TSGA10: variants seen among roughly 807,000 people sequenced by gnomAD.
TSGA10 encodes the protein testis-specific gene 10 protein.
A neutral mutation model predicts 96.6 loss-of-function variants in TSGA10; 43 were observed. That is an observed-to-expected ratio of 0.44 (90% CI 0.35 to 0.57). The LOEUF (loss-of-function observed/expected upper bound fraction) is 0.57, where lower values mean the gene tolerates loss of function less well. Among genes scored for constraint, TSGA10 ranks in the 20% least tolerant of loss-of-function variants. The pLI, the probability that TSGA10 is intolerant of heterozygous loss-of-function variation, is 0.01. For synonymous variants in TSGA10, 229 were observed against 269.9 expected (o/e 0.85, Z 1.48); for missense variants, 703 against 834.4 (o/e 0.84, Z 1.94).
rs1418003752 is a variant in TSGA10, at chr2:99,040,247, T to C, written c.1405-4808A>G. On this transcript the variant is annotated intron_variant, in intron 16 of 20. Transcript: ENST00000393483. Reference sequence around the variant, plus strand: ...CCACTTTCACTACTTCTATTCAACATAGTACTGGAAGTCTTAGCCAGAGCA... The same window carrying C: ...CCACTTTCACTACTTCTATTCAACACAGTACTGGAAGTCTTAGCCAGAGCA... Among the ~76,000 whole-genome samples, 3 of 152,066 alleles carry C rather than the reference T, an allele frequency of 2.0e-5. No homozygotes were observed. The East Asian group carries it at 5.8e-4, about 29-fold the overall frequency.
At chr2:99,139,181 T>A (rs189307780) in intron 1 of TSGA10, among the ~76,000 whole-genome samples, 4 of 152,188 alleles carry the variant, frequency 2.6e-5, no homozygotes, top group Admixed American at 2.0e-4. Context: ...GAGAATCACT[T>A]GAGCCCGGGA....
chr2:99,128,952 T>G (rs1240506820), intron 1 of TSGA10, among the ~76,000 whole-genome samples: 1 of 152,214 alleles, frequency 6.6e-6, no homozygotes, highest in African/African-American at 2.4e-5. Flanking sequence ...CTCCCTATGC[T>G]GCCCTGGCTG....
At chr2:99,012,072 A>G (rs1171477847) in intron 20 of TSGA10, among the ~76,000 whole-genome samples, 1 of 152,206 alleles carries the variant, frequency 6.6e-6, no homozygotes, top group African/African-American at 2.4e-5. Flanking sequence ...GTATCCAGCA[A>G]AACTAAGCTA....
intron 1 of TSGA10, chr2:99,150,530 A>G (rs1331660727): frequency 6.2e-7 from 1 of 1,602,840 alleles, no homozygotes; most frequent in South Asian, 1.1e-5. Flanking sequence ...GTACCTGCAA[A>G]TTACTTTCAC....
At chr2:99,034,983 ATG>A (rs2081495503) in intron 17 of TSGA10, among the ~76,000 whole-genome samples, 2 of 152,162 alleles carry the variant, frequency 1.3e-5, no homozygotes, top group Non-Finnish European at 2.9e-5. Flanking sequence ...CGCTATGTCA[ATG>A]TGTTTTATGA....
At chr2:99,126,004 T>C (rs1055857176) in intron 2 of TSGA10, 6 of 152,368 alleles carry the variant, frequency 3.9e-5, no homozygotes, top group Non-Finnish European at 8.8e-5. Flanking sequence ...ATGTTGTCTC[T>C]GCTGACATCA....
chr2:99,064,814 G>A (rs2085082411), intron 16 of TSGA10, 125 bp downstream of exon 16: 2 of 729,000 alleles, frequency 2.7e-6, no homozygotes, highest in Non-Finnish European at 4.2e-6. Flanking sequence ...TGGTTAGCAT[G>A]CTACAATTCA....
chr2:99,077,590 C>A (rs1359020862), intron 12 of TSGA10, among the ~76,000 whole-genome samples: 4 of 152,062 alleles, frequency 2.6e-5, no homozygotes, highest in African/African-American at 9.7e-5. Context: ...GAGACAGAGT[C>A]TCGCACTGTC....
At chr2:99,013,507 T>C (rs1315603293) in intron 20 of TSGA10, among the ~76,000 whole-genome samples, 1 of 151,754 alleles carries the variant, frequency 6.6e-6, no homozygotes, top group Non-Finnish European at 1.5e-5. Context: ...TAATTTTTTG[T>C]ATTTTTAGTA....
intron 1 of TSGA10, among the ~76,000 whole-genome samples, chr2:99,130,927 G>T (rs2093048046): frequency 6.6e-6 from 1 of 152,114 alleles, no homozygotes; most frequent in African/African-American, 2.4e-5. Context: ...AAGATCAGAT[G>T]GTTGTAGATG....
At chr2:99,009,647 T>C (rs2078836570) in intron 20 of TSGA10, among the ~76,000 whole-genome samples, 1 of 151,582 alleles carries the variant, frequency 6.6e-6, no homozygotes, top group African/African-American at 2.4e-5. Flanking sequence ...TTGAAACTAT[T>C]GTAGATGCAT....
Position 99,147,056 on chromosome 2 carries a change from A to G in TSGA10, c.-621+7637T>C, listed in dbSNP as rs545611440. On this transcript the variant is annotated intron_variant, in intron 1 of 20. Coordinates refer to ENST00000393483, the MANE Select transcript of TSGA10 (RefSeq NM_025244.4). Reference sequence around the variant, plus strand: ...ACCTGTGATATATGTGAAGTTCCTGAAATACCTAAGTCCAAGTTACAGCTC... The same window carrying G: ...ACCTGTGATATATGTGAAGTTCCTGGAATACCTAAGTCCAAGTTACAGCTC... 1.9e-4 allele frequency: 32 copies of G among 164,794 alleles called. No individual in the cohort carries two copies. In the South Asian group the frequency reaches 5.3e-3, roughly 27 times the overall value. 10.2% of individuals were successfully genotyped at this position (164,794 alleles called of 1,614,324 possible). A position where few individuals can be genotyped will look rare whatever the true frequency, so the allele number is the denominator to read the frequency against.
chr2:99,056,352 C>T (rs555516045), intron 16 of TSGA10, among the ~76,000 whole-genome samples: 24 of 152,098 alleles, frequency 1.6e-4, no homozygotes, highest in African/African-American at 3.4e-4. Flanking sequence ...AATGTAGTAA[C>T]GCAATCCTTA....
intron 16 of TSGA10, among the ~76,000 whole-genome samples, chr2:99,044,679 G>A (rs997124318): frequency 1.4e-4 from 21 of 151,970 alleles, no homozygotes; most frequent in African/African-American, 2.7e-4. Flanking sequence ...TGGACCAAGC[G>A]GACCAGGCAG....
In TSGA10 at chr2:99,077,610, G is replaced by C. The variant is rs1006862329; in HGVS notation, c.882+1049C>G. 1.8e-4 allele frequency among the ~76,000 whole-genome samples: 28 copies of C among 152,128 alleles called. 1 individual carries two copies. Among genetic ancestry groups the C allele is most frequent in the South Asian group, 1.7e-3 (8 of 4,800 alleles). On this transcript the variant is annotated intron_variant, in intron 12 of 20. Transcript: ENST00000393483. Reference sequence around the variant, plus strand: ...AGAGTCTCGCACTGTCGCCCAGGCTGGAGTGCAATGGCCCAATCTCGGCTC... The same window carrying C: ...AGAGTCTCGCACTGTCGCCCAGGCTCGAGTGCAATGGCCCAATCTCGGCTC...
chr2:99,118,776 C>A (rs1339458670), intron 2 of TSGA10, 90 bp from the exon 3 acceptor site: 18 of 553,496 alleles, frequency 3.3e-5, no homozygotes, highest in Non-Finnish European at 3.9e-5. Flanking sequence ...AGGTTAGATA[C>A]CTGCCCTCAG....
At chr2:99,128,648 G>A (rs1214743678) in intron 1 of TSGA10, among the ~76,000 whole-genome samples, 1 of 152,124 alleles carries the variant, frequency 6.6e-6, no homozygotes, top group African/African-American at 2.4e-5. Flanking sequence ...TGAATAGCAA[G>A]GATCTATTTA....
rs375286601 is a variant in TSGA10, at chr2:99,105,551, T to C, written c.357A>G (p.Arg119=). The C allele has an allele frequency of 1.9e-4, 313 of 1,612,672 alleles. 2 individuals carry two copies. In the Middle Eastern group the frequency reaches 2.5e-3, roughly 13 times the overall value. Residue 119 remains arginine (R), a synonymous_variant, in exon 8 of 21, where the codon CGA becomes CGG. Transcript: ENST00000393483. ...FTDLRRMTTE[R]DSLRERLKIA... Reference sequence around the variant, plus strand: ...CCTTTAGCCTCTCCCTTAGACTATCTCGTTCTGTGGTCATTCTTCGTAAAT... The same window carrying C: ...CCTTTAGCCTCTCCCTTAGACTATCCCGTTCTGTGGTCATTCTTCGTAAAT...
intron 1 of TSGA10, chr2:99,148,457 G>A (rs2093654347): frequency 6.6e-6 from 1 of 152,140 alleles, no homozygotes; most frequent in Non-Finnish European, 1.5e-5. Context: ...TTACCTAATT[G>A]TTATATTAAT....
Sources: allele counts gnomAD v4.1 joint callset (sites outside exome capture counted in the v4.1 genomes callset), GRCh38; gene constraint gnomAD v4.1.1; transcripts MANE v1.5; gene names NCBI Gene and HGNC (gene_info 2026-07-23, HGNC 2026-07-21).